Variants in TRIM23 observed in about 807,000 individuals in gnomAD.
The protein encoded by TRIM23 is E3 ubiquitin-protein ligase TRIM23.
In TRIM23, 27 loss-of-function variants were observed where a neutral mutation model predicts 71.0. The observed-to-expected ratio is 0.38, with a 90% CI of 0.28 to 0.52. The LOEUF (loss-of-function observed/expected upper bound fraction) is 0.52, where lower values mean the gene tolerates loss of function less well. Among genes scored for constraint, TRIM23 ranks in the 20% least tolerant of loss-of-function variants. TRIM23 has a pLI of 0.84. For synonymous variants in TRIM23, 234 were observed against 238.0 expected (o/e 0.98, Z 0.16); for missense variants, 482 against 692.3 (o/e 0.70, Z 3.41).
intron 7 of TRIM23, among the ~76,000 whole-genome samples, chr5:65,602,028 T>A (rs1332028671): frequency 6.6e-6 from 1 of 152,210 alleles, no homozygotes; most frequent in African/African-American, 2.4e-5. Context: ...AGAGACATTT[T>A]CCCCTTGGTC....
chr5:65,591,646 T>TATATAC lies in TRIM23; in HGVS notation c.*122_*123insGTATAT. On this transcript the variant is annotated 3_prime_UTR_variant, in exon 11 of 11. Coordinates refer to ENST00000231524, the MANE Select transcript of TRIM23 (RefSeq NM_001656.4). ...CTGAATTCCCAATCCAAGATTCCTT[T>TATATAC]ATATATATATATATATATATGCATC... is the stretch of plus-strand genomic sequence containing the variant. 1 of 405,576 alleles carries TATATAC rather than the reference T, an allele frequency of 2.5e-6. No homozygotes were observed. Among genetic ancestry groups the TATATAC allele is most frequent in the Non-Finnish European group, 3.0e-6 (1 of 333,950 alleles). The allele number at this position is 405,576 out of a possible 1,614,324, so 25.1% of individuals were successfully genotyped here.
chr5:65,614,990 C>A (rs557461792), intron 2 of TRIM23, among the ~76,000 whole-genome samples: 1 of 151,940 alleles, frequency 6.6e-6, no homozygotes, highest in African/African-American at 2.4e-5. Flanking sequence ...CTCCACCTTC[C>A]GGGTTCAAGT....
intron 6 of TRIM23, chr5:65,606,855 C>A (rs1350366107): frequency 1.3e-5 from 2 of 152,210 alleles, no homozygotes; most frequent in Admixed American, 6.5e-5. Context: ...AACTTTCTAA[C>A]ATATAGTATA....
chr5:65,594,357 T>C (rs1754133360), intron 10 of TRIM23, among the ~76,000 whole-genome samples, 164 bp downstream of exon 10: 1 of 152,204 alleles, frequency 6.6e-6, no homozygotes, highest in South Asian at 2.1e-4. Context: ...CTATTTTGTA[T>C]ACTCCCAGGT....
chr5:65,600,183 T>A (rs1434609108), intron 7 of TRIM23, among the ~76,000 whole-genome samples: 1 of 152,148 alleles, frequency 6.6e-6, no homozygotes, highest in East Asian at 1.9e-4. Context: ...ACTGCCCCCA[T>A]GATCCAGTCA....
chr5:65,613,712 T>G, intron 3 of TRIM23: 5 of 1,182,014 alleles, frequency 4.2e-6, no homozygotes, highest in Non-Finnish European at 5.3e-6. Flanking sequence ...CCCTCTGTAT[T>G]AAATGGCCTC....
chr5:65,592,054 A>T, intron 10 of TRIM23, 106 bp from the exon 11 acceptor site: 1 of 1,083,128 alleles, frequency 9.2e-7, no homozygotes, highest in South Asian at 1.9e-5. Context: ...ACAGAAGCCT[A>T]AACAAAAAAC....
At chr5:65,611,165 A>G in intron 4 of TRIM23, 122 bp from the exon 5 acceptor site, 2 of 862,044 alleles carry the variant, frequency 2.3e-6, no homozygotes, top group Non-Finnish European at 3.4e-6. Context: ...TGACACAGAA[A>G]AATACTAATT....
At chr5:65,605,107 A>G in intron 6 of TRIM23, 62 bp from the exon 7 acceptor site, 1 of 1,442,586 alleles carries the variant, frequency 6.9e-7, no homozygotes, top group Non-Finnish European at 9.2e-7. Context: ...AAAGAGACTT[A>G]TATTACCAAC....
At chr5:65,612,723 G>A (rs985189805) in intron 3 of TRIM23, among the ~76,000 whole-genome samples, 2 of 152,108 alleles carry the variant, frequency 1.3e-5, no homozygotes, top group African/African-American at 4.8e-5. Context: ...GGTAGCTGAG[G>A]CACGAGAATC....
At chr5:65,609,635 C>A (rs957165416) in intron 5 of TRIM23, among the ~76,000 whole-genome samples, 177 bp from the exon 6 acceptor site, 2 of 152,028 alleles carry the variant, frequency 1.3e-5, no homozygotes, top group Non-Finnish European at 2.9e-5. Context: ...GAGGCTGAGG[C>A]GGGAGGATTG....
intron 5 of TRIM23, among the ~76,000 whole-genome samples, chr5:65,610,519 G>T (rs1186945166): frequency 6.6e-6 from 1 of 152,110 alleles, no homozygotes; most frequent in East Asian, 1.9e-4. Context: ...CCCTTCTTGG[G>T]ACAACTCATT....
At chr5:65,606,496 C>G (rs1015377563) in intron 6 of TRIM23, among the ~76,000 whole-genome samples, 2 of 151,420 alleles carry the variant, frequency 1.3e-5, no homozygotes, top group South Asian at 4.2e-4. Context: ...AATTGAAGTC[C>G]TTATAATGCC....
At chr5:65,593,116 A>T (rs1754089794) in intron 10 of TRIM23, among the ~76,000 whole-genome samples, 1 of 152,190 alleles carries the variant, frequency 6.6e-6, no homozygotes, top group Non-Finnish European at 1.5e-5. Context: ...TTGTCCTCCA[A>T]GAAAATGTCT....
At chr5:65,606,236 G>A (rs1252470229) in intron 6 of TRIM23, among the ~76,000 whole-genome samples, 1 of 152,112 alleles carries the variant, frequency 6.6e-6, no homozygotes, top group African/African-American at 2.4e-5. Flanking sequence ...TCGAGCCCAG[G>A]AGTTTTAGAC....
chr5:65,614,639 G>A (rs538165627), intron 2 of TRIM23, among the ~76,000 whole-genome samples: 4 of 151,718 alleles, frequency 2.6e-5, no homozygotes, highest in Non-Finnish European at 5.9e-5. Context: ...GGAGGCTGAG[G>A]GACGAGAATT....
chr5:65,608,268 C>A (rs1403050973), intron 6 of TRIM23, among the ~76,000 whole-genome samples: 1 of 152,002 alleles, frequency 6.6e-6, no homozygotes, highest in African/African-American at 2.4e-5. Flanking sequence ...CTAACATGGG[C>A]CCAGCTGGCA....
At chr5:65,611,170 C>T (rs1375351633) in intron 4 of TRIM23, 127 bp from the exon 5 acceptor site, 14 of 826,804 alleles carry the variant, frequency 1.7e-5, no homozygotes, top group Non-Finnish European at 2.5e-5. Context: ...CAGAAAAATA[C>T]TAATTTACTT....
At chr5:65,609,905 C>G (rs757367377) in intron 5 of TRIM23, among the ~76,000 whole-genome samples, 57 of 152,164 alleles carry the variant, frequency 3.7e-4, no homozygotes, top group Non-Finnish European at 7.5e-4. Flanking sequence ...AATGGCAACT[C>G]CATCCTTCAG....
Sources: gnomAD v4.1 joint callset for allele counts (sites outside exome capture counted in the v4.1 genomes callset) on GRCh38, gnomAD v4.1.1 for gene constraint, MANE v1.5 for transcripts, NCBI Gene and HGNC (gene_info 2026-07-23, HGNC 2026-07-21) for gene names.